Variants in PHEX observed in about 807,000 individuals in gnomAD.
PHEX encodes the protein phosphate-regulating neutral endopeptidase PHEX.
Under a neutral mutation model 68.0 loss-of-function variants are expected in PHEX, and 16 were observed. The observed-to-expected ratio is 0.24, with a 90% CI of 0.16 to 0.36. The LOEUF is 0.36. PHEX is among the 10% of genes least tolerant of loss of function. The pLI, the probability that PHEX is intolerant of heterozygous loss-of-function variation, is 1.00. For missense variants in PHEX, 480 were observed against 575.5 expected (o/e 0.83, Z 1.70); for synonymous variants, 208 against 205.1 (o/e 1.01, Z -0.12).
At chrX:22,038,759 C>T (rs1927139230) in intron 2 of PHEX, among the ~76,000 whole-genome samples, 1 of 111,648 alleles carries the variant, frequency 9.0e-6, no homozygotes, top group African/African-American at 3.3e-5. Context: ...GTATTCTAAG[C>T]GTTGTTACAA....
intron 16 of PHEX, among the ~76,000 whole-genome samples, chrX:22,218,312 G>A (rs1015041816): frequency 9.0e-6 from 1 of 111,288 alleles, no homozygotes; most frequent in East Asian, 2.8e-4. Flanking sequence ...CAAGTCCCAA[G>A]GCCAGTCCAA....
intron 20 of PHEX, among the ~76,000 whole-genome samples, chrX:22,239,768 G>A (rs924707006): frequency 2.7e-5 from 3 of 111,642 alleles, no homozygotes; most frequent in African/African-American, 9.8e-5. Flanking sequence ...CATTTGATGG[G>A]TGTACCTGAA....
At chrX:22,174,936 G>A (rs1305848714) in intron 13 of PHEX, among the ~76,000 whole-genome samples, 2 of 111,724 alleles carry the variant, frequency 1.8e-5, no homozygotes, top group East Asian at 2.8e-4. Context: ...TAAGACCAAC[G>A]AAAATAACAT....
chrX:22,134,351 G>A (rs773963221), intron 12 of PHEX, among the ~76,000 whole-genome samples: 34 of 112,616 alleles, frequency 3.0e-4, no homozygotes, highest in African/African-American at 1.0e-3. Flanking sequence ...AGGACTTTGG[G>A]AGGCTGAGGC....
chrX:22,149,475 G>A (rs1179587713), intron 12 of PHEX, among the ~76,000 whole-genome samples: 3 of 112,784 alleles, frequency 2.7e-5, no homozygotes, highest in Non-Finnish European at 5.6e-5. Flanking sequence ...GGCTGGGCCC[G>A]TGGCTCATGC....
intron 12 of PHEX, among the ~76,000 whole-genome samples, chrX:22,147,635 C>T (rs1932753019): frequency 9.1e-6 from 1 of 110,326 alleles, no homozygotes; most frequent in Non-Finnish European, 1.9e-5. Flanking sequence ...ATCTCATATA[C>T]AAACTGGAGA....
At position 22,249,455 on chromosome X, in the gene PHEX, A is replaced by ATATATATATATATATATATATATATAT. The variant is rs1555900710; in HGVS notation, c.*1502_*1503insTATATATATATATATATATATATATAT. 5.0e-5 allele frequency: 2 copies of ATATATATATATATATATATATATATAT among 39,758 alleles called. No homozygotes were observed. Among genetic ancestry groups the ATATATATATATATATATATATATATAT allele is most frequent in the Non-Finnish European group, 8.2e-5 (2 of 24,471 alleles). 3.3% of individuals were successfully genotyped at this position (39,758 alleles called of 1,213,427 possible). A position where few individuals can be genotyped will look rare whatever the true frequency, so the allele number is the denominator to read the frequency against. On this transcript the variant is annotated 3_prime_UTR_variant, in exon 22 of 22. Coordinates refer to ENST00000379374, the MANE Select transcript of PHEX (RefSeq NM_000444.6). ...TTGTGATTCTTTTAAAAAAAAAAAA[A>ATATATATATATATATATATATATATAT]ATATATATATATATATATATATATA... is the stretch of plus-strand genomic sequence containing the variant.
At position 22,221,743 on chromosome X, in the gene PHEX, T is replaced by TGTGA. The variant is rs767674501; in HGVS notation, c.1899+3_1899+6dup. ...ATTATTGGAAGAAAGCTGGCTTAAATGTGAGTACAACTGTGGCTAAGGGGG... is the reference window on the plus strand; with the variant it reads ...ATTATTGGAAGAAAGCTGGCTTAAATGTGAGTGAGTACAACTGTGGCTAAGGGGG... On this transcript the variant is annotated frameshift_variant and splice_region_variant. Coordinates refer to ENST00000379374, the MANE Select transcript of PHEX (RefSeq NM_000444.6). LOFTEE classifies it high-confidence loss of function. 3 of 1,206,432 alleles carry TGTGA rather than the reference T, an allele frequency of 2.5e-6. No homozygotes were observed. Among genetic ancestry groups the TGTGA allele is most frequent in the Non-Finnish European group, 3.4e-6 (3 of 890,520 alleles).
At chrX:22,171,110 A>G (rs1389177386) in intron 13 of PHEX, 1 of 112,119 alleles carries the variant, frequency 8.9e-6, no homozygotes, top group Non-Finnish European at 1.9e-5. Context: ...CTATAAAGAA[A>G]TACCCGAGAC....
At chrX:22,218,105 CCTCT>C in intron 16 of PHEX, among the ~76,000 whole-genome samples, 1 of 109,977 alleles carries the variant, frequency 9.1e-6, no homozygotes, top group Non-Finnish European at 1.9e-5. Flanking sequence ...CATGGCAGGG[CCTCT>C]CTCTCTTCCT....
intron 5 of PHEX, among the ~76,000 whole-genome samples, chrX:22,086,952 G>A (rs1406369942): frequency 8.9e-6 from 1 of 112,092 alleles, no homozygotes; most frequent in Non-Finnish European, 1.9e-5. Flanking sequence ...AAATCTCAAC[G>A]CAGTGTCCTG....
rs866903200 is a variant in PHEX, at chrX:22,036,032, G to A, written c.119-2437G>A. Among the ~76,000 whole-genome samples, 117 of 51,001 alleles carry A rather than the reference G, an allele frequency of 2.3e-3. 1 individual carries two copies. Among genetic ancestry groups the A allele is most frequent in the African/African-American group, 9.1e-3 (103 of 11,283 alleles). 44.3% of individuals were successfully genotyped at this position (51,001 alleles called of 115,157 possible). On this transcript the variant is annotated intron_variant, in intron 1 of 21. Transcript: ENST00000379374. The stretch of plus-strand genomic sequence containing the variant: ...CACACACACACACACACACACACAC[G>A]TACATATATATATATATATATATTT...
chrX:22,122,207 GGTT>G (rs1167494656), intron 11 of PHEX, among the ~76,000 whole-genome samples: 2 of 111,010 alleles, frequency 1.8e-5, no homozygotes, highest in Non-Finnish European at 3.8e-5. Flanking sequence ...TGCTCACAAA[GGTT>G]GTTCTCAGTA....
chrX:22,156,309 G>A (rs962794921), intron 12 of PHEX, among the ~76,000 whole-genome samples: 2 of 110,253 alleles, frequency 1.8e-5, no homozygotes, highest in Non-Finnish European at 3.8e-5. Flanking sequence ...TCATCCTGGC[G>A]CCAACTTTTT....
chrX:22,221,033 C>G (rs1203984992), intron 17 of PHEX, among the ~76,000 whole-genome samples: 1 of 112,106 alleles, frequency 8.9e-6, no homozygotes, highest in East Asian at 2.8e-4. Flanking sequence ...TTAGAGCAAT[C>G]TTCCCTGTCT....
At chrX:22,237,388 C>G (rs1936017919) in intron 20 of PHEX, among the ~76,000 whole-genome samples, 1 of 111,612 alleles carries the variant, frequency 9.0e-6, no homozygotes, top group African/African-American at 3.3e-5. Flanking sequence ...CATCATATCA[C>G]CTTTCCTGCT....
At chrX:22,229,995 A>G in intron 20 of PHEX, among the ~76,000 whole-genome samples, 1 of 111,605 alleles carries the variant, frequency 9.0e-6, no homozygotes. Context: ...TTTATTAAAT[A>G]GGGAATCCTT....
intron 15 of PHEX, among the ~76,000 whole-genome samples, chrX:22,198,101 GTTATATA>G (rs201489996): frequency 0.25 from 25,338 of 101,380 alleles, 4,154 homozygotes; most frequent in African/African-American, 0.59. Context: ...TACATTTATA[GTTATATA>G]TTATAAATTA....
At chrX:22,098,038 G>A (rs142673941) in intron 8 of PHEX, 2,198 of 117,697 alleles carry the variant, frequency 0.019, 30 homozygotes, top group Non-Finnish European at 0.029. Context: ...GATTACAGGT[G>A]TGAGCTACCA....
Sources: allele counts gnomAD v4.1 joint callset (sites outside exome capture counted in the v4.1 genomes callset), GRCh38; gene constraint gnomAD v4.1.1; transcripts MANE v1.5; gene names NCBI Gene and HGNC (gene_info 2026-07-23, HGNC 2026-07-21).